CNTN4: variants seen among roughly 807,000 people sequenced by gnomAD.
CNTN4 encodes contactin-4.
A neutral mutation model predicts 122.5 loss-of-function variants in CNTN4; 77 were observed. That is an observed-to-expected ratio of 0.63 (90% CI 0.52 to 0.76). The LOEUF (loss-of-function observed/expected upper bound fraction) is 0.76. Ranked by LOEUF, CNTN4 falls within the 30% of genes least tolerant of loss-of-function variation. CNTN4 has a pLI of 0.00. For synonymous variants in CNTN4, 512 were observed against 447.0 expected (o/e 1.15, Z -1.83); for missense variants, 1,256 against 1,259.1 (o/e 1.00, Z 0.04).
intron 2 of CNTN4, among the ~76,000 whole-genome samples, chr3:2,305,765 C>G (rs1350981345): frequency 2.0e-5 from 3 of 152,070 alleles, no homozygotes; most frequent in Non-Finnish European, 2.9e-5. Flanking sequence ...AAAGGAAACC[C>G]AGGACCCATT....
chr3:2,531,677 C>T (rs760886321), intron 3 of CNTN4, among the ~76,000 whole-genome samples: 17 of 152,098 alleles, frequency 1.1e-4, no homozygotes, highest in African/African-American at 3.4e-4. Flanking sequence ...ACTCTCTTAA[C>T]GAGATTTCTG....
intron 14 of CNTN4, among the ~76,000 whole-genome samples, chr3:2,997,029 T>G (rs1433569690): frequency 6.6e-6 from 1 of 152,250 alleles, no homozygotes; most frequent in Non-Finnish European, 1.5e-5. Flanking sequence ...ATAGAGCTAT[T>G]CCTTTACTGA....
intron 6 of CNTN4, among the ~76,000 whole-genome samples, chr3:2,808,016 C>G (rs150953331): frequency 8.1e-4 from 124 of 152,160 alleles, no homozygotes; most frequent in Non-Finnish European, 1.5e-3. Context: ...GACATCGTAT[C>G]CACTACCACT....
chr3:2,434,870 G>C (rs1388079152), intron 3 of CNTN4, among the ~76,000 whole-genome samples: 1 of 152,114 alleles, frequency 6.6e-6, no homozygotes, highest in East Asian at 1.9e-4. Context: ...CGTCCTAAAT[G>C]AAAGTCTTCT....
intron 4 of CNTN4, among the ~76,000 whole-genome samples, chr3:2,662,676 A>G (rs2083956003): frequency 1.3e-5 from 2 of 152,210 alleles, no homozygotes. Flanking sequence ...CAGAAGGTAT[A>G]GGGACCTTCC....
intron 3 of CNTN4, among the ~76,000 whole-genome samples, chr3:2,492,102 T>C (rs1330198218): frequency 5.9e-5 from 9 of 152,172 alleles, no homozygotes; most frequent in African/African-American, 2.2e-4. Flanking sequence ...CTCGAAATAA[T>C]AATAATAACT....
chr3:2,263,539 T>C, intron 2 of CNTN4, among the ~76,000 whole-genome samples: 1 of 152,148 alleles, frequency 6.6e-6, no homozygotes, highest in Non-Finnish European at 1.5e-5. Flanking sequence ...GTGCATATGA[T>C]ATTTTGATAT....
intron 13 of CNTN4, among the ~76,000 whole-genome samples, chr3:2,958,659 A>G (rs2094824162): frequency 6.6e-6 from 1 of 152,212 alleles, no homozygotes; most frequent in South Asian, 2.1e-4. Context: ...TAGCAGTAAA[A>G]TCACAGGCTG....
intron 3 of CNTN4, among the ~76,000 whole-genome samples, chr3:2,431,853 A>G (rs899367731): frequency 4.6e-5 from 7 of 152,184 alleles, no homozygotes; most frequent in African/African-American, 9.7e-5. Flanking sequence ...AAGGTTAACT[A>G]TACAAGGAGG....
At chr3:2,881,803 T>G (rs111375251) in intron 8 of CNTN4, among the ~76,000 whole-genome samples, 16 of 151,748 alleles carry the variant, frequency 1.1e-4, no homozygotes, top group Middle Eastern at 3.4e-3. Context: ...AAATCATTTC[T>G]CTTTGTGATT....
intron 6 of CNTN4, among the ~76,000 whole-genome samples, chr3:2,761,776 TC>T (rs1213366505): frequency 2.0e-5 from 3 of 152,150 alleles, no homozygotes; most frequent in Non-Finnish European, 2.9e-5. Flanking sequence ...CAGCCATTTA[TC>T]CTACATAAAA....
At chr3:2,882,268 A>T (rs1162293704) in intron 8 of CNTN4, among the ~76,000 whole-genome samples, 32 of 152,156 alleles carry the variant, frequency 2.1e-4, no homozygotes, top group Admixed American at 2.0e-3. Flanking sequence ...GGGGAGGCTG[A>T]AGCAGGAGAA....
At chr3:2,643,336 G>C (rs1030789599) in intron 4 of CNTN4, among the ~76,000 whole-genome samples, 1 of 151,938 alleles carries the variant, frequency 6.6e-6, no homozygotes, top group African/African-American at 2.4e-5. Flanking sequence ...ACCACACCTG[G>C]CTAATTTTTG....
chr3:2,500,412 T>G (rs2076565320), intron 3 of CNTN4, among the ~76,000 whole-genome samples: 1 of 152,144 alleles, frequency 6.6e-6, no homozygotes, highest in Admixed American at 6.5e-5. Flanking sequence ...TTTACCCAGA[T>G]AAAAGTATAA....
chr3:3,056,804 T>G lies in CNTN4; in HGVS notation c.*584T>G, dbSNP rs1210702710. The G allele has an allele frequency of 6.5e-6, 1 of 152,958 alleles. No individual in the cohort carries two copies. Among genetic ancestry groups the G allele is most frequent in the African/African-American group, 2.4e-5 (1 of 41,464 alleles). 9.5% of individuals were successfully genotyped at this position (152,958 alleles called of 1,614,324 possible). A position where few individuals can be genotyped will look rare whatever the true frequency, so the allele number is the denominator to read the frequency against. The stretch of plus-strand genomic sequence containing the variant: ...CAGTATGTTTCCCATGCCGTTGTGA[T>G]TTTGACATGTACAGTATGTTTTCAT... On this transcript the variant is annotated 3_prime_UTR_variant, in exon 25 of 25. Coordinates refer to ENST00000418658, the MANE Select transcript of CNTN4 (RefSeq NM_175607.3).
intron 19 of CNTN4, 43 bp downstream of exon 19, chr3:3,039,046 C>G: frequency 3.3e-6 from 5 of 1,503,632 alleles, no homozygotes; most frequent in Non-Finnish European, 4.6e-6. Flanking sequence ...CGCATCGAAG[C>G]TATTTTATTA....
At chr3:2,849,430 A>T (rs1429948148) in intron 7 of CNTN4, among the ~76,000 whole-genome samples, 1 of 152,200 alleles carries the variant, frequency 6.6e-6, no homozygotes, top group East Asian at 1.9e-4. Context: ...GTATTTTGCC[A>T]CACTAATTTT....
intron 3 of CNTN4, among the ~76,000 whole-genome samples, chr3:2,450,835 A>AAAATACCT (rs759657700): frequency 6.6e-6 from 1 of 152,236 alleles, no homozygotes; most frequent in Non-Finnish European, 1.5e-5. Flanking sequence ...ATAAAGAAAG[A>AAAATACCT]AAATACCTGG....
chr3:3,034,996 G>A (rs914129331), intron 17 of CNTN4, among the ~76,000 whole-genome samples: 1 of 152,000 alleles, frequency 6.6e-6, no homozygotes, highest in Admixed American at 6.6e-5. Flanking sequence ...CTCATCCTAA[G>A]CAATAGTATC....
Sources: allele counts gnomAD v4.1 joint callset (sites outside exome capture counted in the v4.1 genomes callset), GRCh38; gene constraint gnomAD v4.1.1; transcripts MANE v1.5; gene names NCBI Gene and HGNC (gene_info 2026-07-23, HGNC 2026-07-21).